Variants in SCTR observed in about 807,000 individuals in gnomAD.
SCTR encodes secretin receptor.
A neutral mutation model predicts 60.8 loss-of-function variants in SCTR; 56 were observed. The ratio of observed to expected loss-of-function variants is 0.92; its 90% CI spans 0.74 to 1.15. The LOEUF (loss-of-function observed/expected upper bound fraction) is 1.15, where lower values mean the gene tolerates loss of function less well. Among genes scored for constraint, SCTR ranks in the 50% most tolerant of loss-of-function variants. SCTR has a pLI of 0.00. For missense variants in SCTR, 562 were observed against 550.4 expected, an observed-to-expected ratio of 1.02 and a Z score of -0.21; for synonymous variants, 202 against 217.0, an observed-to-expected ratio of 0.93 and a Z score of 0.61.
intron 1 of SCTR, among the ~76,000 whole-genome samples, chr2:119,499,883 T>C (rs1296833824): frequency 2.0e-5 from 3 of 152,126 alleles, no homozygotes; most frequent in East Asian, 3.9e-4. Flanking sequence ...ACAATTCTTA[T>C]GCAACACAAT....
intron 1 of SCTR, among the ~76,000 whole-genome samples, chr2:119,514,842 C>T (rs930959047): frequency 2.6e-5 from 4 of 152,100 alleles, no homozygotes; most frequent in African/African-American, 9.7e-5. Context: ...CATGCCACTG[C>T]ACTCCAGCCT....
intron 3 of SCTR, among the ~76,000 whole-genome samples, chr2:119,477,949 T>C (rs1341843911): frequency 6.6e-6 from 1 of 152,228 alleles, no homozygotes; most frequent in Non-Finnish European, 1.5e-5. Flanking sequence ...TATGTGTGTG[T>C]GTGCACACAT....
chr2:119,454,201 C>A (rs545604324), intron 7 of SCTR, among the ~76,000 whole-genome samples: 1 of 152,128 alleles, frequency 6.6e-6, no homozygotes, highest in Non-Finnish European at 1.5e-5. Context: ...CCCAAGGATG[C>A]TCTAGGGCCA....
chr2:119,466,898 A>G, intron 4 of SCTR, among the ~76,000 whole-genome samples: 1 of 152,208 alleles, frequency 6.6e-6, no homozygotes. Context: ...CCAGAACCAC[A>G]TAGCTGAAAA....
chr2:119,504,369 G>A (rs1291159673), intron 1 of SCTR, among the ~76,000 whole-genome samples: 2 of 152,080 alleles, frequency 1.3e-5, no homozygotes, highest in East Asian at 3.9e-4. Context: ...GAGGCAGGCG[G>A]ATCACCTGGG....
chr2:119,524,083 G>A (rs1679374453), intron 1 of SCTR, 72 bp downstream of exon 1: 1 of 1,248,542 alleles, frequency 8.0e-7, no homozygotes, highest in Non-Finnish European at 1.1e-6. Context: ...CCTGCATCCT[G>A]CCCGAGGCCG....
Position 119,524,310 on chromosome 2 carries a change from G to A in SCTR, c.-84C>T, listed in dbSNP as rs561562805. The A allele has an allele frequency of 5.3e-6, 5 of 935,874 alleles. No individual in the cohort carries two copies. The Admixed American group carries it at 1.7e-4, about 32-fold the overall frequency. The allele number at this position is 935,874 out of a possible 1,614,324, so 58.0% of individuals were successfully genotyped here. A position where few individuals can be genotyped will look rare whatever the true frequency, so the allele number is the denominator to read the frequency against. ...CTCGGGAGCTCAGCGCCCCGCGCAG[G>A]GTCCCGGGCTCCGGCCGGCCGCTGC... On this transcript the variant is annotated 5_prime_UTR_variant, in exon 1 of 13. Transcript: ENST00000019103.
At chr2:119,522,166 C>T (rs1265385354) in intron 1 of SCTR, among the ~76,000 whole-genome samples, 1 of 152,120 alleles carries the variant, frequency 6.6e-6, no homozygotes, top group Non-Finnish European at 1.5e-5. Context: ...CATGGTGGCA[C>T]ATGCCTGTAA....
At chr2:119,443,179 G>T (rs967169999) in intron 11 of SCTR, among the ~76,000 whole-genome samples, 57 of 152,224 alleles carry the variant, frequency 3.7e-4, no homozygotes, top group Admixed American at 1.2e-3. Context: ...CTGTGCTCCA[G>T]TGTATATAGG....
intron 1 of SCTR, among the ~76,000 whole-genome samples, chr2:119,508,871 A>G (rs1173958686): frequency 6.6e-6 from 1 of 152,238 alleles, no homozygotes; most frequent in Admixed American, 6.5e-5. Flanking sequence ...CAAAAACACA[A>G]TACATTGTTA....
At chr2:119,486,934 A>C (rs1309950247) in intron 2 of SCTR, 1 of 152,274 alleles carries the variant, frequency 6.6e-6, no homozygotes, top group Non-Finnish European at 1.5e-5. Context: ...AACTCCAGAA[A>C]GGAGCTAGGA....
chr2:119,475,092 G>A (rs1677210760), intron 3 of SCTR, among the ~76,000 whole-genome samples: 1 of 152,194 alleles, frequency 6.6e-6, no homozygotes, highest in Non-Finnish European at 1.5e-5. Context: ...GGGCACCGAG[G>A]CATCACTCCC....
At chr2:119,463,062 TACACACAC>T (rs35496213) in intron 6 of SCTR, among the ~76,000 whole-genome samples, 3 of 148,304 alleles carry the variant, frequency 2.0e-5, no homozygotes, top group South Asian at 2.1e-4. Flanking sequence ...AGTCAGAAAA[TACACACAC>T]ACACACACAC....
At chr2:119,481,039 A>G (rs1316737465) in intron 2 of SCTR, among the ~76,000 whole-genome samples, 2 of 152,312 alleles carry the variant, frequency 1.3e-5, no homozygotes, top group Admixed American at 6.5e-5. Context: ...CCAACTGAAA[A>G]GCCTGCCCAG....
chr2:119,450,060 A>AAG (rs1683095607), intron 9 of SCTR, among the ~76,000 whole-genome samples: 1 of 136,184 alleles, frequency 7.3e-6, no homozygotes, highest in African/African-American at 2.7e-5. Flanking sequence ...AAAAGAAAGA[A>AAG]AAAGAAAGAA....
chr2:119,483,754 A>G (rs1469900356), intron 2 of SCTR, among the ~76,000 whole-genome samples: 1 of 152,212 alleles, frequency 6.6e-6, no homozygotes, highest in Non-Finnish European at 1.5e-5. Context: ...TTAAAAGTCC[A>G]TTGATTGAAA....
intron 1 of SCTR, among the ~76,000 whole-genome samples, chr2:119,518,975 CT>C (rs898922357): frequency 6.8e-4 from 102 of 151,086 alleles, no homozygotes; most frequent in African/African-American, 2.3e-3. Context: ...TGGACTCCCC[CT>C]TTTTTTTTGA....
chr2:119,501,795 A>G (rs1678560784), intron 1 of SCTR, among the ~76,000 whole-genome samples: 1 of 152,098 alleles, frequency 6.6e-6, no homozygotes, highest in Non-Finnish European at 1.5e-5. Flanking sequence ...AAGAAGAAAA[A>G]CCTATTTGCA....
At chr2:119,523,369 AAAAC>A (rs1350433149) in intron 1 of SCTR, among the ~76,000 whole-genome samples, 1 of 150,696 alleles carries the variant, frequency 6.6e-6, no homozygotes, top group Non-Finnish European at 1.5e-5. Flanking sequence ...GTTGGAAAGA[AAAAC>A]AAACCACCCA....
Sources: allele counts gnomAD v4.1 joint callset (sites outside exome capture counted in the v4.1 genomes callset), GRCh38; gene constraint gnomAD v4.1.1; transcripts MANE v1.5; gene names NCBI Gene and HGNC (gene_info 2026-07-23, HGNC 2026-07-21).